HTT: variants seen among roughly 807,000 people sequenced by gnomAD.
HTT encodes huntington disease protein.
A neutral mutation model predicts 362.3 loss-of-function variants in HTT; 104 were observed. The observed-to-expected ratio is 0.29, with a 90% CI of 0.24 to 0.34. The LOEUF is 0.34. Among genes scored for constraint, HTT ranks in the 10% least tolerant of loss-of-function variants. HTT has a pLI of 1.00. For missense variants in HTT, 3,301 were observed against 3,928.6 expected, an observed-to-expected ratio of 0.84 and a Z score of 4.27; for synonymous variants, 1,577 against 1,548.7, an observed-to-expected ratio of 1.02 and a Z score of -0.43.
Position 3,228,725 on chromosome 4 carries a change from C to T in HTT, c.7959C>T (p.Pro2653=), listed in dbSNP as rs559860075. 5 of 1,597,142 alleles carry T rather than the reference C, an allele frequency of 3.1e-6. No individual in the cohort carries two copies. In the East Asian group the frequency reaches 1.1e-4, roughly 36 times the overall value. Residue 2653 remains proline, a synonymous_variant, in exon 58 of 67, where the codon CCC becomes CCT. Coordinates refer to ENST00000355072, the MANE Select transcript of HTT (RefSeq NM_001388492.1). The surrounding 1 kb of genome is among the most constrained non-coding windows in gnomAD (Gnocchi z 4.3). ...EADAPAPSSP[P]TSPVNSRKHR... ...ACGCCCCTGCACCTTCGTCACCACCCACGTCTCCAGTCAACTCCAGGTTTT... is the reference window on the plus strand; with the variant it reads ...ACGCCCCTGCACCTTCGTCACCACCTACGTCTCCAGTCAACTCCAGGTTTT...
intron 42 of HTT, among the ~76,000 whole-genome samples, chr4:3,205,462 G>T (rs1478660847): frequency 6.6e-6 from 1 of 152,062 alleles, no homozygotes; most frequent in East Asian, 1.9e-4. Context: ...TATTGAAGTA[G>T]TTTTTCTATT....
chr4:3,121,506 C>T, intron 9 of HTT, 74 bp downstream of exon 9: 1 of 973,372 alleles, frequency 1.0e-6, no homozygotes, highest in East Asian at 2.5e-5. Context: ...GATTATGGGC[C>T]TGCCCTGTGC....
At chr4:3,104,621 G>A (rs1714333928) in intron 4 of HTT, among the ~76,000 whole-genome samples, 1 of 151,870 alleles carries the variant, frequency 6.6e-6, no homozygotes, top group Non-Finnish European at 1.5e-5. Flanking sequence ...AAATAAAAAT[G>A]AAATAAAATT....
At chr4:3,203,770 G>A (rs1310965147) in intron 41 of HTT, among the ~76,000 whole-genome samples, 1 of 152,194 alleles carries the variant, frequency 6.6e-6, no homozygotes, top group African/African-American at 2.4e-5. Flanking sequence ...ATTCAGGCAA[G>A]CATTTTAATT....
Position 3,116,248 on chromosome 4 carries a change from A to G in HTT, c.1053A>G (p.Ala351=). 1 of 1,611,104 alleles carries G rather than the reference A, an allele frequency of 6.2e-7. No homozygotes were observed. The highest frequency in any genetic ancestry group is 8.5e-7 in the Non-Finnish European group (1 of 1,177,400). ...AAGAAATGGAAGTCTCTCCTTCTGC[A>G]GAGCAGCTTGTCCAGGTAGGAGCAC... is the stretch of plus-strand genomic sequence containing the variant. The part of the protein sequence containing the change: ...TRKEMEVSPS[A]EQLVQVYELT... The change falls in exon 8 of 67, where the codon GCA becomes GCG. Residue 351 remains alanine (A), a synonymous_variant. Coordinates refer to ENST00000355072, the MANE Select transcript of HTT (RefSeq NM_001388492.1).
At chr4:3,203,853 G>A (rs1719710867) in intron 41 of HTT, among the ~76,000 whole-genome samples, 154 bp from the exon 42 acceptor site, 1 of 152,170 alleles carries the variant, frequency 6.6e-6, no homozygotes. Flanking sequence ...AGATAACTGA[G>A]AGTATATATT....
intron 29 of HTT, among the ~76,000 whole-genome samples, chr4:3,163,129 G>C (rs185818801): frequency 3.3e-5 from 5 of 152,300 alleles, no homozygotes; most frequent in Non-Finnish European, 7.4e-5. Flanking sequence ...AGAGTTTTTA[G>C]CATGAAAGGC....
intron 29 of HTT, among the ~76,000 whole-genome samples, chr4:3,161,901 T>G (rs907474399): frequency 3.3e-5 from 5 of 152,260 alleles, no homozygotes; most frequent in African/African-American, 1.2e-4. Flanking sequence ...TAGTTTCTTT[T>G]GCTATGCAGA....
intron 37 of HTT, among the ~76,000 whole-genome samples, chr4:3,186,328 T>C (rs1290880846): frequency 1.3e-5 from 2 of 152,214 alleles, no homozygotes; most frequent in Non-Finnish European, 2.9e-5. Flanking sequence ...TTCACACTTT[T>C]GTATATTTGA....
In HTT at chr4:3,213,979, C is replaced by G; in HGVS notation, c.6796C>G (p.His2266Asp). 2 of 1,585,222 alleles carry G rather than the reference C, an allele frequency of 1.3e-6. No homozygotes were observed. The highest frequency in any genetic ancestry group is 1.7e-6 in the Non-Finnish European group (2 of 1,162,236). The change falls in exon 50 of 67, where the codon CAT becomes GAT. Residue 2266 changes from histidine to aspartate, a missense_variant. Transcript: ENST00000355072. ...TLEALSWHLI[H>D]EQIPLSLDLQ... ...TTAGGCCCTGTCCTGGCATTTGATC[C>G]ATGAGCAGATCCCGCTGAGTCTGGA...
intron 1 of HTT, among the ~76,000 whole-genome samples, chr4:3,075,679 ATGGGAGATT>A (rs1329840703): frequency 1.3e-5 from 2 of 149,470 alleles, no homozygotes; most frequent in East Asian, 3.9e-4. Flanking sequence ...GGCGCGTCCA[ATGGGAGATT>A]TCTTTTCCTA....
Position 3,142,705 on chromosome 4 carries a change from T to C in HTT, c.2946-61T>C, listed in dbSNP as rs933832734. ...TTAATCTTAAACTTTTAAATGCCAT[T>C]TGATCTTTAAAAATATATGTTTTAA... is the stretch of plus-strand genomic sequence containing the variant. On this transcript the variant is annotated intron_variant, in intron 22 of 66. Coordinates refer to ENST00000355072, the MANE Select transcript of HTT (RefSeq NM_001388492.1). The C allele has an allele frequency of 1.5e-5, 13 of 879,644 alleles. No homozygotes were observed. In the African/African-American group the frequency reaches 2.2e-4, roughly 15 times the overall value. The allele number at this position is 879,644 out of a possible 1,614,324, so 54.5% of individuals were successfully genotyped here.
chr4:3,133,452 C>T (rs1398040679), intron 18 of HTT, among the ~76,000 whole-genome samples: 1 of 149,656 alleles, frequency 6.7e-6, no homozygotes, highest in Non-Finnish European at 1.5e-5. Context: ...GGCGTGGTTA[C>T]ACCACTGCCC....
At chr4:3,095,899 C>CA in intron 2 of HTT, among the ~76,000 whole-genome samples, 1 of 152,244 alleles carries the variant, frequency 6.6e-6, no homozygotes, top group East Asian at 1.9e-4. Flanking sequence ...CTAACTATGT[C>CA]AAAAAGGACA....
At chr4:3,169,003 A>ATTCTTTCT (rs113879546) in intron 29 of HTT, among the ~76,000 whole-genome samples, 16 of 143,520 alleles carry the variant, frequency 1.1e-4, no homozygotes, top group African/African-American at 2.4e-4. Context: ...ATTTTAGGCC[A>ATTCTTTCT]TTCTTTCTTT....
At chr4:3,197,935 G>T (rs914660024) in intron 40 of HTT, among the ~76,000 whole-genome samples, 1 of 152,236 alleles carries the variant, frequency 6.6e-6, no homozygotes, top group African/African-American at 2.4e-5. Flanking sequence ...GCCCATGCAG[G>T]AACAGAGGGC....
intron 18 of HTT, 101 bp downstream of exon 18, chr4:3,133,012 T>G: frequency 1.1e-6 from 1 of 900,508 alleles, no homozygotes; most frequent in Non-Finnish European, 1.9e-6. Flanking sequence ...CCATGCACTC[T>G]AAAGCTGTAA....
Position 3,131,327 on chromosome 4 carries a change from T to C in HTT, c.2028T>C (p.Asp676=). ...GTGACATTGGACAGTCCACTGATGA[T>C]GACTCTGCACCTCTTGTCCATTGTG... ...IKGDIGQSTD[D]DSAPLVHCVR... Residue 676 remains aspartate, a synonymous_variant, in exon 15 of 67, where the codon GAT becomes GAC. Transcript: ENST00000355072. 7 of 1,614,172 alleles carry C rather than the reference T, an allele frequency of 4.3e-6. No individual in the cohort carries two copies. The highest frequency in any genetic ancestry group is 5.9e-6 in the Non-Finnish European group (7 of 1,180,010).
At chr4:3,210,303 T>C (rs905836625) in intron 47 of HTT, among the ~76,000 whole-genome samples, 1 of 152,168 alleles carries the variant, frequency 6.6e-6, no homozygotes, top group African/African-American at 2.4e-5. Flanking sequence ...AAACACAGGA[T>C]GTTATCATCT....
Sources: gnomAD v4.1 joint callset for allele counts (sites outside exome capture counted in the v4.1 genomes callset) on GRCh38, gnomAD v4.1.1 for gene constraint, Gnocchi (gnomAD v3.1) non-coding constraint, MANE v1.5 for transcripts, NCBI Gene and HGNC (gene_info 2026-07-23, HGNC 2026-07-21) for gene names.